The following RBFOX2 variants were observed in gnomAD, a reference collection of about 807,000 sequenced individuals.
RBFOX2 encodes the protein RNA binding fox-1 homolog 2.
In RBFOX2, 10 loss-of-function variants were observed where a neutral mutation model predicts 49.1. That is an observed-to-expected ratio of 0.20 (90% confidence interval 0.13 to 0.35). RBFOX2 has a LOEUF of 0.35. Among genes scored for constraint, RBFOX2 ranks in the 10% least tolerant of loss-of-function variants. The probability of loss-of-function intolerance (pLI) is 1.00; values close to 1 mark genes in which losing one functional copy is unlikely to be tolerated. For missense variants in RBFOX2, 323 were observed against 486.9 expected, an observed-to-expected ratio of 0.66 and a Z score of 3.17; for synonymous variants, 183 against 187.4, an observed-to-expected ratio of 0.98 and a Z score of 0.19.
intron 2 of RBFOX2, among the ~76,000 whole-genome samples, chr22:35,788,353 T>A (rs1049498711): frequency 1.3e-5 from 2 of 152,218 alleles, no homozygotes; most frequent in Non-Finnish European, 1.5e-5. Flanking sequence ...TATTTTGATT[T>A]ATGGATTATC....
At chr22:35,949,938 T>G (rs922258041) in intron 1 of RBFOX2, among the ~76,000 whole-genome samples, 3 of 152,182 alleles carry the variant, frequency 2.0e-5, no homozygotes, top group Non-Finnish European at 4.4e-5. Context: ...TTATCTGTTT[T>G]TTCTTTTGTT....
chr22:35,979,465 G>A (rs1052572544), intron 1 of RBFOX2, among the ~76,000 whole-genome samples: 1 of 152,172 alleles, frequency 6.6e-6, no homozygotes, highest in Non-Finnish European at 1.5e-5. Context: ...ACATTGAAGT[G>A]TTTGGGAGTG....
chr22:36,015,821 C>T (rs182591419), intron 1 of RBFOX2, among the ~76,000 whole-genome samples: 1 of 152,232 alleles, frequency 6.6e-6, no homozygotes. Context: ...TACTTACCCT[C>T]CCAAGAATTT....
chr22:35,901,791 C>T (rs1035836328), intron 1 of RBFOX2, among the ~76,000 whole-genome samples: 1 of 152,056 alleles, frequency 6.6e-6, no homozygotes, highest in Non-Finnish European at 1.5e-5. Flanking sequence ...CAGAAGACTG[C>T]ATTATCTTGG....
intron 1 of RBFOX2, among the ~76,000 whole-genome samples, chr22:35,871,820 G>C (rs2044387168): frequency 6.6e-6 from 1 of 152,146 alleles, no homozygotes; most frequent in South Asian, 2.1e-4. Flanking sequence ...AATTTAATAA[G>C]GGTAATGTTT....
At chr22:35,885,843 A>ATTTTTTTTTTTTTTTTT (rs538674450) in intron 1 of RBFOX2, among the ~76,000 whole-genome samples, 1 of 83,146 alleles carries the variant, frequency 1.2e-5, no homozygotes, top group African/African-American at 5.3e-5. Flanking sequence ...CCCAAACCTA[A>ATTTTTTTTTTTTTTTTT]TTTTTTTTTT....
intron 1 of RBFOX2, among the ~76,000 whole-genome samples, chr22:35,911,474 G>A (rs2049822681): frequency 6.6e-6 from 1 of 152,024 alleles, no homozygotes. Flanking sequence ...TTAAAGTTTT[G>A]CATCTTTTAA....
intron 1 of RBFOX2, among the ~76,000 whole-genome samples, chr22:35,826,717 G>A (rs1271370068): frequency 6.6e-6 from 1 of 152,146 alleles, no homozygotes; most frequent in Non-Finnish European, 1.5e-5. Context: ...TAACACTGCA[G>A]ATAGCACTGA....
chr22:35,814,710 C>CAAAAA (rs55971445), intron 1 of RBFOX2, among the ~76,000 whole-genome samples: 362 of 28,210 alleles, frequency 0.013, 1 homozygote, highest in Non-Finnish European at 0.018. Flanking sequence ...AACCCTGTCT[C>CAAAAA]AAAAAAAAAA....
intron 1 of RBFOX2, among the ~76,000 whole-genome samples, chr22:35,820,176 C>A (rs1002439627): frequency 6.6e-6 from 1 of 152,182 alleles, no homozygotes; most frequent in African/African-American, 2.4e-5. Flanking sequence ...AGCTTTTACA[C>A]TCCACTGAGA....
At chr22:35,947,032 A>C (rs2054356562) in intron 1 of RBFOX2, among the ~76,000 whole-genome samples, 1 of 152,128 alleles carries the variant, frequency 6.6e-6, no homozygotes, top group South Asian at 2.1e-4. Flanking sequence ...TCTCTACTAA[A>C]AATACAAAAT....
chr22:35,814,073 GT>G (rs1952464420), intron 1 of RBFOX2, among the ~76,000 whole-genome samples: 1 of 152,170 alleles, frequency 6.6e-6, no homozygotes, highest in African/African-American at 2.4e-5. Flanking sequence ...TGAGAATGAT[GT>G]CTTTCTCTTT....
chr22:35,863,427 G>A (rs555852166), intron 1 of RBFOX2, among the ~76,000 whole-genome samples: 1 of 152,172 alleles, frequency 6.6e-6, no homozygotes, highest in African/African-American at 2.4e-5. Context: ...ACAATAAGAA[G>A]CCATTCTCTT....
At chr22:35,902,652 CTGTT>C (rs2048715861) in intron 1 of RBFOX2, among the ~76,000 whole-genome samples, 1 of 151,828 alleles carries the variant, frequency 6.6e-6, no homozygotes, top group Non-Finnish European at 1.5e-5. Flanking sequence ...TACTTTTTGT[CTGTT>C]TGTTTTGAGA....
intron 1 of RBFOX2, among the ~76,000 whole-genome samples, chr22:36,011,451 A>G (rs1388592137): frequency 6.6e-6 from 1 of 152,208 alleles, no homozygotes; most frequent in African/African-American, 2.4e-5. Flanking sequence ...CTCTCAGTAG[A>G]CCAGAATCTT....
chr22:35,744,637 CCTT>C (rs1931708983), intron 11 of RBFOX2, among the ~76,000 whole-genome samples: 1 of 152,214 alleles, frequency 6.6e-6, no homozygotes, highest in Non-Finnish European at 1.5e-5. Context: ...ACCAGTTTCT[CCTT>C]CTCACATATG....
At chr22:35,898,371 C>T (rs935994395) in intron 1 of RBFOX2, 4 of 638,498 alleles carry the variant, frequency 6.3e-6, no homozygotes, top group African/African-American at 5.5e-5. Flanking sequence ...ATTGGCAGGG[C>T]CCAGACAACC....
In RBFOX2 at chr22:35,768,328, C is replaced by G. The variant is rs199852787; in HGVS notation, c.475G>C (p.Glu159Gln). Reference sequence around the variant, plus strand: ...GCCCTGTCTGCATCAGCACTATTCTCGAAAGTTACGAACCCGAATCCCTGC... The same window carrying G: ...GCCCTGTCTGCATCAGCACTATTCTGGAAAGTTACGAACCCGAATCCCTGC... The change falls in exon 5 of 12, where the codon GAG becomes CAG. Residue 159 changes from glutamate (E) to glutamine (Q), a missense_variant. By Grantham distance (29) the Glu-to-Gln change is conservative. Around this residue, in one of 2 missense-constraint regions of RBFOX2, gnomAD observed 200 missense variants for 370.0 expected, o/e 0.54. Coordinates refer to ENST00000405409, the Ensembl canonical transcript of RBFOX2. The G allele has an allele frequency of 1.1e-5, 17 of 1,613,904 alleles. No individual in the cohort carries two copies. The East Asian group carries it at 3.3e-4, about 32-fold the overall frequency.
At chr22:35,989,849 A>C (rs1569519729) in intron 1 of RBFOX2, among the ~76,000 whole-genome samples, 1 of 152,124 alleles carries the variant, frequency 6.6e-6, no homozygotes, top group Admixed American at 6.6e-5. Flanking sequence ...AGGGATGTTT[A>C]AACAGCCACT....
Sources: gnomAD v4.1 joint callset for allele counts (sites outside exome capture counted in the v4.1 genomes callset) on GRCh38, gnomAD v4.1.1 for gene constraint, gnomAD v4.1.1 regional missense constraint, MANE v1.5 for transcripts, NCBI Gene and HGNC (gene_info 2026-07-23, HGNC 2026-07-21) for gene names.